The following IFT81 variants were observed in gnomAD, a reference collection of about 807,000 sequenced individuals.
IFT81 encodes the protein intraflagellar transport 81.
Under a neutral mutation model 102.6 loss-of-function variants are expected in IFT81, and 72 were observed. The observed-to-expected ratio is 0.70, with a 90% CI of 0.58 to 0.85. The LOEUF (loss-of-function observed/expected upper bound fraction) is 0.85. Among genes scored for constraint, IFT81 ranks in the 40% least tolerant of loss-of-function variants. The probability of loss-of-function intolerance (pLI) is 0.00; values close to 1 mark genes in which losing one functional copy is unlikely to be tolerated. For missense variants in IFT81, 723 were observed against 787.3 expected, an observed-to-expected ratio of 0.92 and a Z score of 0.98; for synonymous variants, 237 against 242.7, an observed-to-expected ratio of 0.98 and a Z score of 0.22.
intron 10 of IFT81, among the ~76,000 whole-genome samples, chr12:110,157,975 C>T (rs2137421133): frequency 6.6e-6 from 1 of 152,272 alleles, no homozygotes; most frequent in Admixed American, 6.5e-5. Flanking sequence ...ATCTTTAAGA[C>T]AGTAGTTTTA....
intron 10 of IFT81, among the ~76,000 whole-genome samples, chr12:110,155,861 G>A (rs1895810895): frequency 6.6e-6 from 1 of 151,460 alleles, no homozygotes. Flanking sequence ...TTTCTTTGTG[G>A]TTACCATGGG....
intron 9 of IFT81, among the ~76,000 whole-genome samples, chr12:110,144,007 C>CTTTTTTT (rs536525073): frequency 8.1e-6 from 1 of 123,120 alleles, no homozygotes; most frequent in African/African-American, 3.2e-5. Context: ...CAGGTTATAC[C>CTTTTTTT]TTTTTTTTTT....
chr12:110,126,339 G>A (rs1216281274), intron 1 of IFT81, among the ~76,000 whole-genome samples: 1 of 151,740 alleles, frequency 6.6e-6, no homozygotes, highest in Non-Finnish European at 1.5e-5. Flanking sequence ...CACAGATAAA[G>A]TGTGGTCAGC....
rs1369893806 is a variant in IFT81 at position 110,163,069 on chromosome 12, A to G, written c.1188+4A>G. On this transcript the variant is annotated splice_donor_region_variant and intron_variant, in intron 11 of 18. Coordinates refer to ENST00000242591, the MANE Select transcript of IFT81 (RefSeq NM_014055.4). ...TGAAGTTTTAAAGGGAGATGAGGTAAGCTGAGCCATCTCATGGGACAAGGG... is the reference window on the plus strand; with the variant it reads ...TGAAGTTTTAAAGGGAGATGAGGTAGGCTGAGCCATCTCATGGGACAAGGG... 6.2e-7 allele frequency: 1 copy of G among 1,612,278 alleles called. No individual in the cohort carries two copies. The highest frequency in any genetic ancestry group is 8.5e-7 in the Non-Finnish European group (1 of 1,179,034).
chr12:110,171,773 G>A (rs927797647), intron 11 of IFT81: 1 of 152,196 alleles, frequency 6.6e-6, no homozygotes, highest in African/African-American at 2.4e-5. Context: ...TTATTGGAGC[G>A]TGACATGATG....
At chr12:110,133,203 C>G (rs1045911164) in intron 5 of IFT81, among the ~76,000 whole-genome samples, 3 of 151,994 alleles carry the variant, frequency 2.0e-5, no homozygotes, top group Admixed American at 6.6e-5. Context: ...ACCTCCTGGG[C>G]TCAAGCTATC....
At position 110,136,791 on chromosome 12, in the gene IFT81, CAA is replaced by C. The variant is rs1894537944; in HGVS notation, c.714_715del (p.Arg239IlefsTer21). On this transcript the variant is annotated frameshift_variant, in exon 8 of 19. Transcript: ENST00000242591. LOFTEE classifies it high-confidence loss of function. ...TATTTTAAAGCTATTTCATGCAGTG[CAA>C]AGATTGCAAAGAGTACAAAACCAGC... The part of the protein sequence containing the change: ...EQKNQLFHAV[Q>X]RLQRVQNQLK... 1 of 1,609,784 alleles carries C rather than the reference CAA, an allele frequency of 6.2e-7. No individual in the cohort carries two copies. The highest frequency in any genetic ancestry group is 8.5e-7 in the Non-Finnish European group (1 of 1,176,842).
intron 14 of IFT81, among the ~76,000 whole-genome samples, chr12:110,197,739 TTTCACTC>T (rs1315496031): frequency 2.0e-5 from 3 of 151,794 alleles, no homozygotes; most frequent in African/African-American, 7.3e-5. Context: ...TGAGATGGAG[TTTCACTC>T]TTGTTGCCCA....
chr12:110,182,559 A>T (rs1166806212), intron 12 of IFT81, among the ~76,000 whole-genome samples: 3 of 152,216 alleles, frequency 2.0e-5, no homozygotes, highest in Non-Finnish European at 4.4e-5. Context: ...AAAACTGGGC[A>T]TGGGAGTACC....
chr12:110,202,798 C>A (rs780475212), intron 14 of IFT81, among the ~76,000 whole-genome samples: 4 of 152,090 alleles, frequency 2.6e-5, no homozygotes, highest in Non-Finnish European at 5.9e-5. Flanking sequence ...GGTACTTGTT[C>A]TCCCTGAACT....
At chr12:110,135,556 G>C (rs774662779) in intron 7 of IFT81, 119 bp downstream of exon 7, 6 of 610,004 alleles carry the variant, frequency 9.8e-6, no homozygotes, top group Non-Finnish European at 1.7e-5. Flanking sequence ...TAACATAATG[G>C]AATACTCTTT....
chr12:110,138,308 G>T (rs1315479423), intron 8 of IFT81, among the ~76,000 whole-genome samples: 1 of 152,008 alleles, frequency 6.6e-6, no homozygotes, highest in Non-Finnish European at 1.5e-5. Flanking sequence ...TAACTTTTCA[G>T]TAACAAAAAA....
intron 10 of IFT81, among the ~76,000 whole-genome samples, chr12:110,153,513 C>T (rs969561141): frequency 5.9e-5 from 9 of 151,680 alleles, no homozygotes; most frequent in African/African-American, 1.7e-4. Context: ...GCTGGGATTA[C>T]AGGCATGAGC....
At chr12:110,131,549 T>C (rs1183283156) in intron 4 of IFT81, among the ~76,000 whole-genome samples, 1 of 152,044 alleles carries the variant, frequency 6.6e-6, no homozygotes, top group Non-Finnish European at 1.5e-5. Flanking sequence ...GGTTTCACCA[T>C]GTTGGCCAGG....
intron 7 of IFT81, 119 bp from the exon 8 acceptor site, chr12:110,136,657 A>C (rs1894528065): frequency 2.1e-6 from 1 of 466,168 alleles, no homozygotes; most frequent in Admixed American, 4.2e-5. Flanking sequence ...CCGAGTTCTT[A>C]TTATTTGTTC....
rs768016015 is a variant in IFT81 at position 110,128,074 on chromosome 12, CA to C, written c.174del (p.Glu59SerfsTer8). On this transcript the variant is annotated frameshift_variant, in exon 3 of 19. Coordinates refer to ENST00000242591, the MANE Select transcript of IFT81 (RefSeq NM_014055.4). LOFTEE classifies it high-confidence loss of function. ...CTTGTGGATATCAGAGAGGAGATGC[CA>C]GAGCAGACAGCCAAACGAATGTTGA... is the stretch of plus-strand genomic sequence containing the variant. ...KQLVDIREEM[P>X]EQTAKRMLSL... is the part of the protein sequence containing the mutation. 13 of 1,613,338 alleles carry C rather than the reference CA, an allele frequency of 8.1e-6. No individual in the cohort carries two copies. The highest frequency in any genetic ancestry group is 1.1e-5 in the Non-Finnish European group (13 of 1,179,390).
chr12:110,144,427 T>C (rs1895079900), intron 9 of IFT81, among the ~76,000 whole-genome samples: 1 of 151,684 alleles, frequency 6.6e-6, no homozygotes, highest in South Asian at 2.1e-4. Context: ...GTGTTGGTCA[T>C]GCTGGTCTCA....
At chr12:110,147,846 A>G (rs1895311351) in intron 10 of IFT81, among the ~76,000 whole-genome samples, 1 of 152,122 alleles carries the variant, frequency 6.6e-6, no homozygotes, top group Non-Finnish European at 1.5e-5. Flanking sequence ...TTCATCTATA[A>G]ATGTTTCAGA....
chr12:110,190,337 C>T (rs541038054), intron 12 of IFT81, among the ~76,000 whole-genome samples: 1 of 152,276 alleles, frequency 6.6e-6, no homozygotes, highest in South Asian at 2.1e-4. Context: ...TTTGCACTTG[C>T]TGATTCCCTC....
Sources: allele counts gnomAD v4.1 joint callset (sites outside exome capture counted in the v4.1 genomes callset), GRCh38; gene constraint gnomAD v4.1.1; transcripts MANE v1.5; gene names NCBI Gene and HGNC (gene_info 2026-07-23, HGNC 2026-07-21).